GAS7: variants seen among roughly 807,000 people sequenced by gnomAD.
GAS7 encodes growth arrest-specific protein 7.
Under a neutral mutation model 71.1 loss-of-function variants are expected in GAS7, and 28 were observed. The observed-to-expected ratio is 0.39, with a 90% CI of 0.29 to 0.54. The LOEUF (loss-of-function observed/expected upper bound fraction) is 0.54, where lower values mean the gene tolerates loss of function less well. Ranked by LOEUF, GAS7 falls within the 20% of genes least tolerant of loss-of-function variation. GAS7 has a pLI of 0.62. For missense variants in GAS7, 436 were observed against 627.8 expected (o/e 0.69, Z 3.27); for synonymous variants, 258 against 245.8 (o/e 1.05, Z -0.46).
At chr17:9,999,419 G>A (rs2071175445) in intron 2 of GAS7, among the ~76,000 whole-genome samples, 1 of 152,104 alleles carries the variant, frequency 6.6e-6, no homozygotes, top group South Asian at 2.1e-4. Context: ...TTGGGAGGCT[G>A]AGGCAGGAGA....
intron 11 of GAS7, among the ~76,000 whole-genome samples, chr17:9,922,171 T>G (rs2067840419): frequency 6.6e-6 from 1 of 150,482 alleles, no homozygotes; most frequent in South Asian, 2.1e-4. Flanking sequence ...GAGCCAAATA[T>G]TAATATGGGC....
rs575818091 is a variant in GAS7, at chr17:10,103,250, G to T, written c.184-83353C>A. On this transcript the variant is annotated intron_variant, in intron 1 of 13. Transcript: ENST00000432992. This position sits in a 1 kb window ranked among gnomAD's most constrained non-coding sequence, Gnocchi z 5.5. ...TCCTAGCTACTCAGGAGGCTAAGGT[G>T]GGAGAATCACCTGAGCCTGGGGAGT... Among the ~76,000 whole-genome samples the T allele has an allele frequency of 6.6e-6, 1 of 152,204 alleles. No homozygotes were observed. The highest frequency in any genetic ancestry group is 1.9e-4 in the East Asian group (1 of 5,156).
intron 11 of GAS7, among the ~76,000 whole-genome samples, chr17:9,922,983 A>C (rs1176249199): frequency 6.6e-6 from 1 of 152,188 alleles, no homozygotes; most frequent in African/African-American, 2.4e-5. Context: ...ATCTCAGCTC[A>C]CTGCAACCTC....
At chr17:9,952,233 C>T (rs2069048738) in intron 5 of GAS7, among the ~76,000 whole-genome samples, 1 of 152,146 alleles carries the variant, frequency 6.6e-6, no homozygotes, top group South Asian at 2.1e-4. Context: ...AGGGACCACA[C>T]TTTGAGAACC....
chr17:9,921,453 C>T (rs532836102), intron 11 of GAS7, among the ~76,000 whole-genome samples: 1 of 152,200 alleles, frequency 6.6e-6, no homozygotes, highest in Admixed American at 6.5e-5. Context: ...CCTGCCTGGC[C>T]GAGGAGGAGG....
At chr17:10,190,338 A>G (rs181547777) in intron 1 of GAS7, among the ~76,000 whole-genome samples, 2 of 152,290 alleles carry the variant, frequency 1.3e-5, no homozygotes, top group African/African-American at 2.4e-5. Flanking sequence ...TAACCCTAGC[A>G]CTTTGGGAGG....
intron 1 of GAS7, among the ~76,000 whole-genome samples, chr17:10,127,877 T>G (rs2073963038): frequency 6.6e-6 from 1 of 152,176 alleles, no homozygotes; most frequent in African/African-American, 2.4e-5. Context: ...CGCAAAGATC[T>G]GAGCAAATTC....
At chr17:10,191,286 G>C (rs372518111) in intron 1 of GAS7, among the ~76,000 whole-genome samples, 2 of 150,630 alleles carry the variant, frequency 1.3e-5, no homozygotes, top group East Asian at 4.0e-4. Context: ...AGGCAGTGAA[G>C]AGGCTGGGCA....
chr17:9,950,960 CT>C (rs2068983051), intron 5 of GAS7, among the ~76,000 whole-genome samples: 1 of 152,072 alleles, frequency 6.6e-6, no homozygotes. Context: ...GGGGAGTTTT[CT>C]CCCAGGCCTC....
In GAS7 at chr17:10,026,233, G is replaced by C. The variant is rs1308172150; in HGVS notation, c.184-6336C>G. On this transcript the variant is annotated intron_variant, in intron 1 of 13. Transcript: ENST00000432992. This position sits in a 1 kb window ranked among gnomAD's most constrained non-coding sequence, Gnocchi z 4.5. ...ACTCGCTTTAGCAGCCAGATCAGAC[G>C]GTTTTAAGGTCTCCCACTCTGCATC... The C allele has an allele frequency of 2.0e-6, 2 of 985,016 alleles. No individual in the cohort carries two copies. Among genetic ancestry groups the C allele is most frequent in the East Asian group, 1.1e-4 (1 of 8,814 alleles). 61.0% of individuals were successfully genotyped at this position (985,016 alleles called of 1,614,324 possible). A position where few individuals can be genotyped will look rare whatever the true frequency, so the allele number is the denominator to read the frequency against.
intron 1 of GAS7, among the ~76,000 whole-genome samples, chr17:10,030,473 G>A (rs2072590071): frequency 6.6e-6 from 1 of 152,244 alleles, no homozygotes; most frequent in African/African-American, 2.4e-5. Flanking sequence ...GGACCCGTGT[G>A]AAAAGGGGGT....
At chr17:10,174,699 AT>A (rs1255962189) in intron 1 of GAS7, among the ~76,000 whole-genome samples, 1 of 152,100 alleles carries the variant, frequency 6.6e-6, no homozygotes, top group East Asian at 1.9e-4. Flanking sequence ...ATCAAAAAAA[AT>A]AATTAAAAAA....
intron 1 of GAS7, among the ~76,000 whole-genome samples, chr17:10,169,184 T>C (rs900136750): frequency 1.3e-5 from 2 of 151,922 alleles, no homozygotes; most frequent in African/African-American, 4.8e-5. Context: ...GAGAATCACT[T>C]GAACCCAGGA....
chr17:10,167,277 G>A (rs1397741851), intron 1 of GAS7, among the ~76,000 whole-genome samples: 1 of 151,430 alleles, frequency 6.6e-6, no homozygotes, highest in African/African-American at 2.4e-5. Flanking sequence ...GGCTGTTCTC[G>A]AACTCCTGAC....
intron 1 of GAS7, among the ~76,000 whole-genome samples, chr17:10,042,385 C>T (rs551201255): frequency 1.3e-5 from 2 of 151,380 alleles, no homozygotes; most frequent in African/African-American, 2.4e-5. Flanking sequence ...CAGTCATGAA[C>T]GGAAAAATTA....
At chr17:10,086,549 G>A (rs1244955103) in intron 1 of GAS7, among the ~76,000 whole-genome samples, 1 of 152,240 alleles carries the variant, frequency 6.6e-6, no homozygotes, top group Non-Finnish European at 1.5e-5. Context: ...TTGAGTGAAA[G>A]CCAAAGGTAG....
At chr17:10,046,395 GAAA>G (rs199532580) in intron 1 of GAS7, among the ~76,000 whole-genome samples, 13 of 137,192 alleles carry the variant, frequency 9.5e-5, no homozygotes, top group African/African-American at 3.4e-4. Flanking sequence ...AGAATCGGAG[GAAA>G]AAAAAAAAAA....
Position 10,176,521 on chromosome 17 carries a change from C to T in GAS7, c.183+21687G>A, listed in dbSNP as rs80218725. Among the ~76,000 whole-genome samples, 576 of 152,322 alleles carry T rather than the reference C, an allele frequency of 3.8e-3. 4 individuals are homozygous for T. The highest frequency in any genetic ancestry group is 0.013 in the African/African-American group (550 of 41,566). ...GAATGGGCAGCAGAATGGGTGTCACCACCCTTTTGACAGCTGAAAAAACTG... is the reference window on the plus strand; with the variant it reads ...GAATGGGCAGCAGAATGGGTGTCACTACCCTTTTGACAGCTGAAAAAACTG... On this transcript the variant is annotated intron_variant, in intron 1 of 13. Transcript: ENST00000432992.
At chr17:10,050,639 A>C (rs1177526298) in intron 1 of GAS7, among the ~76,000 whole-genome samples, 1 of 152,180 alleles carries the variant, frequency 6.6e-6, no homozygotes, top group South Asian at 2.1e-4. Flanking sequence ...CATCAGGCCC[A>C]GCTCTCTTCT....
Sources: allele counts gnomAD v4.1 joint callset (sites outside exome capture counted in the v4.1 genomes callset), GRCh38; gene constraint gnomAD v4.1.1; non-coding constraint Gnocchi (gnomAD v3.1); transcripts MANE v1.5; gene names NCBI Gene and HGNC (gene_info 2026-07-23, HGNC 2026-07-21).